Variants in AGO1 observed in about 807,000 individuals in gnomAD.
AGO1 encodes the protein argonaute RISC component 1, also known as protein argonaute-1.
Under a neutral mutation model 109.2 loss-of-function variants are expected in AGO1, and 11 were observed. The observed-to-expected ratio is 0.10, with a 90% confidence interval of 0.06 to 0.17. The LOEUF is 0.17. AGO1 is among the 10% of genes least tolerant of loss of function. AGO1 has a pLI of 1.00. For missense variants in AGO1, 574 were observed against 1,140.3 expected, an observed-to-expected ratio of 0.50 and a Z score of 7.15; for synonymous variants, 422 against 418.6, an observed-to-expected ratio of 1.01 and a Z score of -0.10.
intron 8 of AGO1, among the ~76,000 whole-genome samples, chr1:35,897,548 C>T (rs1645340918): frequency 1.3e-5 from 2 of 152,038 alleles, no homozygotes; most frequent in South Asian, 4.1e-4. Context: ...TCCAGGTTGG[C>T]TGTGTGGCTC....
At position 35,901,914 on chromosome 1, in the gene AGO1, T is replaced by A; in HGVS notation, c.1141-34T>A. The A allele has an allele frequency of 6.4e-7, 1 of 1,552,468 alleles. No individual in the cohort carries two copies. Among genetic ancestry groups the A allele is most frequent in the Non-Finnish European group, 8.7e-7 (1 of 1,150,124 alleles). On this transcript the variant is annotated intron_variant, in intron 9 of 18. Transcript: ENST00000373204. The surrounding 1 kb of genome is among the most constrained non-coding windows in gnomAD (Gnocchi z 4.8). ...AGGGTGAGCAGTATTGCCAAGCTCC[T>A]GTTCTCCTGAGATTGCTCTCTTTTG...
chr1:35,876,252 T>G (rs995927752), intron 1 of AGO1, among the ~76,000 whole-genome samples: 2 of 151,644 alleles, frequency 1.3e-5, no homozygotes, highest in Non-Finnish European at 2.9e-5. Flanking sequence ...AGGAAATCCT[T>G]TTTTTTTGTT....
At chr1:35,915,971 T>C (rs1367982038) in intron 15 of AGO1, among the ~76,000 whole-genome samples, 1 of 152,198 alleles carries the variant, frequency 6.6e-6, no homozygotes, top group Non-Finnish European at 1.5e-5. Flanking sequence ...ATTTGAGGAC[T>C]AATGCTGTTG....
Position 35,921,706 on chromosome 1 carries a change from C to G in AGO1, c.*2099C>G, listed in dbSNP as rs1056043426. 4.6e-5 allele frequency: 7 copies of G among 152,692 alleles called. No homozygotes were observed. The highest frequency in any genetic ancestry group is 1.4e-4 in the African/African-American group (6 of 41,464). The allele number at this position is 152,692 out of a possible 1,614,324, so 9.5% of individuals were successfully genotyped here. A position where few individuals can be genotyped will look rare whatever the true frequency, so the allele number is the denominator to read the frequency against. ...GTTGGCTACATTGTTCAGCAACTCA[C>G]AAAACGTAGCACAAACATTCATTAT... On this transcript the variant is annotated 3_prime_UTR_variant, in exon 19 of 19. Transcript: ENST00000373204.
intron 12 of AGO1, among the ~76,000 whole-genome samples, chr1:35,907,601 C>T (rs1645547440): frequency 6.6e-6 from 1 of 152,120 alleles, no homozygotes; most frequent in South Asian, 2.1e-4. Flanking sequence ...ATTTCTGTCA[C>T]AGCACTTTTC....
intron 2 of AGO1, 77 bp from the exon 3 acceptor site, chr1:35,892,480 C>T (rs2148710778): frequency 1.2e-6 from 2 of 1,602,632 alleles, no homozygotes; most frequent in East Asian, 4.5e-5. Flanking sequence ...GGGACATTGC[C>T]TGGACTTTGA....
At chr1:35,872,466 G>A (rs1370515556) in intron 1 of AGO1, among the ~76,000 whole-genome samples, 2 of 152,134 alleles carry the variant, frequency 1.3e-5, no homozygotes, top group African/African-American at 4.8e-5. Context: ...GATTACAGAT[G>A]TGAGCCACCG....
chr1:35,914,143 G>A (rs750583806), intron 13 of AGO1, 41 bp from the exon 14 acceptor site: 2 of 1,604,474 alleles, frequency 1.2e-6, no homozygotes, highest in Admixed American at 1.7e-5. Flanking sequence ...AGCTAGAGAA[G>A]ACCCAGCGCC....
upstream of AGO1, among the ~76,000 whole-genome samples, chr1:35,881,479 C>A (rs887979265): frequency 1.3e-5 from 2 of 152,186 alleles, no homozygotes; most frequent in Non-Finnish European, 2.9e-5. Flanking sequence ...TGCCACAACA[C>A]CTGGCTAATT....
In AGO1 at chr1:35,928,592, C is replaced by G. The variant is rs570383674; in HGVS notation, c.*8985C>G. On this transcript the variant is annotated 3_prime_UTR_variant, in exon 19 of 19. Transcript: ENST00000373204. ...AGCCACAAGCCACTGGGCCCAGCCT[C>G]TTTTACCTGTTTCAAAATTGAGTTT... 1.3e-5 allele frequency: 2 copies of G among 152,216 alleles called. No individual in the cohort carries two copies. The highest frequency in any genetic ancestry group is 2.9e-5 in the Non-Finnish European group (2 of 68,048). The allele number at this position is 152,216 out of a possible 1,614,324, so 9.4% of individuals were successfully genotyped here. A position where few individuals can be genotyped will look rare whatever the true frequency, so the allele number is the denominator to read the frequency against.
At chr1:35,872,272 G>A (rs539494042) in intron 1 of AGO1, among the ~76,000 whole-genome samples, 13 of 143,796 alleles carry the variant, frequency 9.0e-5, no homozygotes, top group Admixed American at 2.9e-4. Context: ...TGCAGCCTCT[G>A]CCTCCCAAGT....
intron 8 of AGO1, among the ~76,000 whole-genome samples, chr1:35,900,799 A>G (rs1645400788): frequency 1.3e-5 from 2 of 152,054 alleles, no homozygotes; most frequent in South Asian, 2.1e-4. Context: ...AATCCCAGCT[A>G]CTTGGGAGGC....
At position 35,920,772 on chromosome 1, in the gene AGO1, GTC is replaced by G. The variant is rs1645817555; in HGVS notation, c.*1169_*1170del. On this transcript the variant is annotated 3_prime_UTR_variant, in exon 19 of 19. Transcript: ENST00000373204. ...GCTTCTTTTCTCCCTTGATGGTCAA[GTC>G]TCTTATGTTTCAATATTTCTTAACT... 6.6e-6 allele frequency: 1 copy of G among 152,450 alleles called. No individual in the cohort carries two copies. Among genetic ancestry groups the G allele is most frequent in the South Asian group, 2.1e-4 (1 of 4,828 alleles). 9.4% of individuals were successfully genotyped at this position (152,450 alleles called of 1,614,324 possible). A position where few individuals can be genotyped will look rare whatever the true frequency, so the allele number is the denominator to read the frequency against.
upstream of AGO1, among the ~76,000 whole-genome samples, chr1:35,879,950 G>GT (rs1383998690): frequency 6.6e-6 from 1 of 152,052 alleles, no homozygotes; most frequent in African/African-American, 2.4e-5. Flanking sequence ...ATGAGGTTGA[G>GT]TATTTAGAAC....
chr1:35,897,765 T>G (rs999295705), intron 8 of AGO1, among the ~76,000 whole-genome samples: 2 of 152,202 alleles, frequency 1.3e-5, no homozygotes, highest in African/African-American at 2.4e-5. Flanking sequence ...CGAGATATAA[T>G]TCACATACCA....
At chr1:35,909,143 A>G (rs956467528) in intron 12 of AGO1, among the ~76,000 whole-genome samples, 2 of 152,166 alleles carry the variant, frequency 1.3e-5, no homozygotes, top group East Asian at 1.9e-4. Flanking sequence ...ATGGGTTCCA[A>G]GAAAGACTTC....
intron 8 of AGO1, among the ~76,000 whole-genome samples, chr1:35,896,565 A>C (rs1557609127): frequency 6.6e-6 from 1 of 151,548 alleles, no homozygotes; most frequent in Non-Finnish European, 1.5e-5. Context: ...GGGTTTTGCC[A>C]TGTTGGCCAC....
At chr1:35,869,974 G>A (rs1241913529) in intron 1 of AGO1, 1 of 152,206 alleles carries the variant, frequency 6.6e-6, no homozygotes, top group African/African-American at 2.4e-5. Flanking sequence ...GCTCAAGAGC[G>A]TGGGGAACGA....
intron 11 of AGO1, among the ~76,000 whole-genome samples, chr1:35,906,105 A>G (rs1032585772): frequency 1.3e-5 from 2 of 152,058 alleles, no homozygotes; most frequent in Non-Finnish European, 2.9e-5. Context: ...TTTTTACTCT[A>G]CTGCATGTGT....
Sources: gnomAD v4.1 joint callset for allele counts (sites outside exome capture counted in the v4.1 genomes callset) on GRCh38, gnomAD v4.1.1 for gene constraint, Gnocchi (gnomAD v3.1) non-coding constraint, MANE v1.5 for transcripts, NCBI Gene and HGNC (gene_info 2026-07-23, HGNC 2026-07-21) for gene names.